TMC1: variants seen among roughly 807,000 people sequenced by gnomAD.
TMC1 encodes the protein transmembrane channel like 1.
In TMC1, 84 loss-of-function variants were observed where a neutral mutation model predicts 105.8. The observed-to-expected ratio is 0.79, with a 90% CI of 0.67 to 0.95. The LOEUF is 0.95. Among genes scored for constraint, TMC1 ranks in the 40% least tolerant of loss-of-function variants. The pLI is 0.00. For missense variants in TMC1, 817 were observed against 914.1 expected (o/e 0.89, Z 1.37); for synonymous variants, 315 against 311.5 (o/e 1.01, Z -0.12).
chr9:72,601,197 C>CAG (rs1194165190), intron 2 of TMC1, among the ~76,000 whole-genome samples: 100 of 138,540 alleles, frequency 7.2e-4, no homozygotes, highest in Non-Finnish European at 1.1e-3. Context: ...CACACACAGA[C>CAG]ACACACACAC....
intron 4 of TMC1, among the ~76,000 whole-genome samples, chr9:72,648,178 C>T (rs1825744767): frequency 6.6e-6 from 1 of 152,158 alleles, no homozygotes; most frequent in African/African-American, 2.4e-5. Context: ...ATCTTCTTTA[C>T]TAACGCATTT....
chr9:72,566,362 T>G (rs575124996), intron 1 of TMC1, among the ~76,000 whole-genome samples: 14 of 151,948 alleles, frequency 9.2e-5, no homozygotes, highest in African/African-American at 3.4e-4. Flanking sequence ...ATCCACTATC[T>G]GCCGTCAACT....
intron 5 of TMC1, among the ~76,000 whole-genome samples, chr9:72,658,401 C>T (rs1427977860): frequency 6.6e-6 from 1 of 151,778 alleles, no homozygotes; most frequent in African/African-American, 2.4e-5. Flanking sequence ...CTATCTTACT[C>T]ATCTACAAAA....
intron 18 of TMC1, among the ~76,000 whole-genome samples, chr9:72,806,421 G>T (rs548734010): frequency 1.3e-5 from 2 of 150,128 alleles, no homozygotes; most frequent in African/African-American, 4.9e-5. Flanking sequence ...CCTCCCTCCC[G>T]GACGGGGTGG....
intron 5 of TMC1, chr9:72,656,221 G>A: frequency 2.0e-6 from 1 of 496,952 alleles, no homozygotes; most frequent in South Asian, 1.7e-5. Context: ...TGACCTACTT[G>A]TTCCGGCAAG....
intron 5 of TMC1, among the ~76,000 whole-genome samples, chr9:72,655,444 T>G (rs1191865836): frequency 2.6e-5 from 4 of 152,200 alleles, no homozygotes; most frequent in Non-Finnish European, 4.4e-5. Context: ...ATTCCTAACT[T>G]TGTGCCATTA....
intron 4 of TMC1, among the ~76,000 whole-genome samples, chr9:72,640,626 T>TTTTTTGG (rs1825610927): frequency 1.4e-5 from 2 of 142,428 alleles, no homozygotes; most frequent in East Asian, 3.9e-4. Context: ...TGTTTTTTTG[T>TTTTTTGG]TTTTTGTTTT....
chr9:72,703,574 A>G (rs931818546), intron 8 of TMC1, among the ~76,000 whole-genome samples: 5 of 152,136 alleles, frequency 3.3e-5, no homozygotes, highest in African/African-American at 1.2e-4. Flanking sequence ...TTCAATTTGC[A>G]CCATTCTCAA....
At chr9:72,565,353 A>G (rs1267329161) in intron 1 of TMC1, among the ~76,000 whole-genome samples, 3 of 151,730 alleles carry the variant, frequency 2.0e-5, no homozygotes, top group African/African-American at 4.9e-5. Context: ...CTTGGAAGTA[A>G]TTATGAAGAG....
chr9:72,537,444 G>A (rs1249145620), intron 1 of TMC1, among the ~76,000 whole-genome samples: 3 of 152,002 alleles, frequency 2.0e-5, no homozygotes, highest in Admixed American at 6.6e-5. Flanking sequence ...GCTTTACTTG[G>A]TTTTTAGTTA....
intron 2 of TMC1, among the ~76,000 whole-genome samples, chr9:72,587,836 A>G (rs917099656): frequency 6.7e-6 from 1 of 149,306 alleles, no homozygotes; most frequent in Non-Finnish European, 1.5e-5. Flanking sequence ...CCCAGGCTGG[A>G]GTGCAGTGGC....
intron 5 of TMC1, among the ~76,000 whole-genome samples, chr9:72,675,028 A>T (rs150830039): frequency 6.6e-6 from 1 of 152,242 alleles, no homozygotes; most frequent in African/African-American, 2.4e-5. Flanking sequence ...ATGCAGAAGT[A>T]TGAAAATAAA....
At chr9:72,657,659 C>A (rs1252172854) in intron 5 of TMC1, among the ~76,000 whole-genome samples, 1 of 151,956 alleles carries the variant, frequency 6.6e-6, no homozygotes, top group African/African-American at 2.4e-5. Context: ...TTGGGTGTAT[C>A]CATATGGTAT....
At chr9:72,535,974 T>A (rs1422428055) in intron 1 of TMC1, among the ~76,000 whole-genome samples, 1 of 152,196 alleles carries the variant, frequency 6.6e-6, no homozygotes, top group Non-Finnish European at 1.5e-5. Context: ...ACCTCCAACA[T>A]TGGGATAAAA....
chr9:72,718,167 A>G (rs2117936046), intron 8 of TMC1, among the ~76,000 whole-genome samples: 1 of 152,070 alleles, frequency 6.6e-6, no homozygotes, highest in South Asian at 2.1e-4. Flanking sequence ...CTCCTTGATT[A>G]GCTTACTACT....
At chr9:72,629,268 G>A (rs1279228816) in intron 4 of TMC1, among the ~76,000 whole-genome samples, 1 of 152,140 alleles carries the variant, frequency 6.6e-6, no homozygotes, top group Non-Finnish European at 1.5e-5. Flanking sequence ...TCAGTCTGAA[G>A]CTGCCCCTCA....
At chr9:72,791,202 C>G (rs1320670634) in intron 15 of TMC1, among the ~76,000 whole-genome samples, 1 of 151,918 alleles carries the variant, frequency 6.6e-6, no homozygotes, top group African/African-American at 2.4e-5. Context: ...TCTCTCTCCC[C>G]CCTCTCCCCA....
intron 13 of TMC1, 89 bp downstream of exon 13, chr9:72,772,644 C>T (rs1307147390): frequency 3.9e-6 from 6 of 1,540,580 alleles, no homozygotes; most frequent in Non-Finnish European, 4.5e-6. Flanking sequence ...AATTTTGTTG[C>T]TATTTTATGT....
intron 6 of TMC1, 69 bp from the exon 7 acceptor site, chr9:72,694,474 T>G: frequency 1.4e-6 from 2 of 1,422,794 alleles, no homozygotes; most frequent in South Asian, 2.4e-5. Context: ...TATTAAAAAC[T>G]AAGAATAAGC....
Sources: allele counts gnomAD v4.1 joint callset (sites outside exome capture counted in the v4.1 genomes callset), GRCh38; gene constraint gnomAD v4.1.1; transcripts MANE v1.5; gene names NCBI Gene and HGNC (gene_info 2026-07-23, HGNC 2026-07-21).